Variants in RCBTB1 observed in about 807,000 individuals in gnomAD.
RCBTB1 encodes the protein RCC1 and BTB domain-containing protein 1.
Under a neutral mutation model 62.4 loss-of-function variants are expected in RCBTB1, and 46 were observed. The ratio of observed to expected loss-of-function variants is 0.74; its 90% CI spans 0.58 to 0.94. The LOEUF (loss-of-function observed/expected upper bound fraction) is 0.94. RCBTB1 is among the 40% of genes least tolerant of loss of function. The pLI, the probability that RCBTB1 is intolerant of heterozygous loss-of-function variation, is 0.00. For synonymous variants in RCBTB1, 222 were observed against 245.8 expected, an observed-to-expected ratio of 0.90 and a Z score of 0.91; for missense variants, 565 against 654.9, an observed-to-expected ratio of 0.86 and a Z score of 1.50.
At chr13:49,570,463 A>G (rs1963321180) in intron 2 of RCBTB1, among the ~76,000 whole-genome samples, 2 of 152,248 alleles carry the variant, frequency 1.3e-5, no homozygotes, top group Non-Finnish European at 2.9e-5. Flanking sequence ...AGGCATCCCC[A>G]ACAGGCTTGG....
At chr13:49,544,452 A>C (rs569468753) in intron 10 of RCBTB1, among the ~76,000 whole-genome samples, 1 of 148,480 alleles carries the variant, frequency 6.7e-6, no homozygotes, top group South Asian at 2.2e-4. Context: ...CTGAGCAACA[A>C]GAGTGAAACT....
chr13:49,535,236 C>T (rs1959850034), intron 12 of RCBTB1, among the ~76,000 whole-genome samples: 1 of 152,100 alleles, frequency 6.6e-6, no homozygotes, highest in Admixed American at 6.6e-5. Flanking sequence ...GAGTAACATC[C>T]ACAAGGGGTA....
intron 2 of RCBTB1, among the ~76,000 whole-genome samples, chr13:49,569,395 G>A (rs7985985): frequency 0.22 from 33,952 of 151,478 alleles, 4,702 homozygotes; most frequent in East Asian, 0.55. Context: ...GCAACATGGC[G>A]AAACCCCATT....
intron 2 of RCBTB1, among the ~76,000 whole-genome samples, chr13:49,573,558 C>T (rs1451536377): frequency 1.3e-5 from 2 of 150,660 alleles, no homozygotes; most frequent in Non-Finnish European, 3.0e-5. Flanking sequence ...AAGCAATTCT[C>T]CTGCCTCAGC....
chr13:49,576,213 A>C (rs1475440669), intron 2 of RCBTB1, among the ~76,000 whole-genome samples: 1 of 140,570 alleles, frequency 7.1e-6, no homozygotes, highest in African/African-American at 2.6e-5. Context: ...AAAAGTTGAG[A>C]TGATTTTTTT....
At chr13:49,567,115 T>A (rs766134054) in intron 3 of RCBTB1, 39 bp downstream of exon 3, 1 of 1,605,806 alleles carries the variant, frequency 6.2e-7, no homozygotes, top group Admixed American at 1.7e-5. Flanking sequence ...AATTGCCAAA[T>A]AAGTCCTAAA....
chr13:49,551,556 A>T, intron 7 of RCBTB1, 88 bp from the exon 8 acceptor site: 2 of 1,431,472 alleles, frequency 1.4e-6, no homozygotes, highest in Non-Finnish European at 1.9e-6. Context: ...CAGCTTCTGC[A>T]GAATGCCAAA....
chr13:49,551,728 G>A (rs1186081749), intron 7 of RCBTB1, among the ~76,000 whole-genome samples: 5 of 151,988 alleles, frequency 3.3e-5, no homozygotes, highest in South Asian at 4.2e-4. Flanking sequence ...GTGAAACCCC[G>A]TCTCTACTAA....
At chr13:49,548,962 ACCTCTACTAAAAATACAAAAATTAGCT>A (rs1961072821) in intron 9 of RCBTB1, among the ~76,000 whole-genome samples, 1 of 134,768 alleles carries the variant, frequency 7.4e-6, no homozygotes, top group African/African-American at 3.3e-5. Flanking sequence ...GTGAAACCCC[ACCTCTACTAAAAATACAAAAATTAGCT>A]GGGTGTGGTG....
intron 2 of RCBTB1, among the ~76,000 whole-genome samples, chr13:49,568,724 A>T (rs1020161642): frequency 4.6e-5 from 7 of 152,040 alleles, no homozygotes; most frequent in Non-Finnish European, 8.8e-5. Flanking sequence ...AGGTCAAGAG[A>T]TCGAGACCAT....
At chr13:49,547,774 C>T (rs985287736) in intron 9 of RCBTB1, among the ~76,000 whole-genome samples, 1 of 152,086 alleles carries the variant, frequency 6.6e-6, no homozygotes, top group Non-Finnish European at 1.5e-5. Context: ...AATGTGTCAC[C>T]TTAAAAACCA....
At chr13:49,542,758 CAAGCTTATTTATAA>C in intron 10 of RCBTB1, among the ~76,000 whole-genome samples, 1 of 151,536 alleles carries the variant, frequency 6.6e-6, no homozygotes, top group Non-Finnish European at 1.5e-5. Context: ...AGGCCTGCTA[CAAGCTTATTTATAA>C]AACACTCACA....
rs1238428430 is a variant in RCBTB1, at chr13:49,551,418, C to T, written c.762G>A (p.Leu254=). The part of the protein sequence containing the change: ...HTLALTDEGL[L]YAWGANTYGQ... Reference sequence around the variant, plus strand: ...CATATGTGTTAGCTCCCCAGGCATACAGCAAGCCCTCATCTGTTAGTGCTA... The same window carrying T: ...CATATGTGTTAGCTCCCCAGGCATATAGCAAGCCCTCATCTGTTAGTGCTA... The change falls in exon 8 of 13, where the codon CTG becomes CTA. Residue 254 remains leucine, a synonymous_variant. Coordinates refer to ENST00000378302, the MANE Select transcript of RCBTB1 (RefSeq NM_018191.4). 10 of 1,614,100 alleles carry T rather than the reference C, an allele frequency of 6.2e-6. No homozygotes were observed. The highest frequency in any genetic ancestry group is 1.1e-5 in the South Asian group (1 of 91,090).
At chr13:49,550,423 T>C in intron 8 of RCBTB1, 3 of 984,312 alleles carry the variant, frequency 3.0e-6, no homozygotes, top group Non-Finnish European at 3.6e-6. Flanking sequence ...TATTTCTCAG[T>C]AGTATGCTTC....
Position 49,533,022 on chromosome 13 carries a change from G to C in RCBTB1, c.*1100C>G, listed in dbSNP as rs1419063351. On this transcript the variant is annotated 3_prime_UTR_variant, in exon 13 of 13. Coordinates refer to ENST00000378302, the MANE Select transcript of RCBTB1 (RefSeq NM_018191.4). ...ACCATAATTTTGGTGCTTTTTCAAGGTGAAATTGTGCTGTTATACCTAAGA... is the reference window on the plus strand; with the variant it reads ...ACCATAATTTTGGTGCTTTTTCAAGCTGAAATTGTGCTGTTATACCTAAGA... The C allele has an allele frequency of 2.6e-5, 4 of 152,150 alleles. No individual in the cohort carries two copies. The highest frequency in any genetic ancestry group is 4.4e-5 in the Non-Finnish European group (3 of 68,040). The allele number at this position is 152,150 out of a possible 1,614,324, so 9.4% of individuals were successfully genotyped here.
chr13:49,563,888 T>C (rs1053162753), intron 4 of RCBTB1, among the ~76,000 whole-genome samples: 1 of 152,198 alleles, frequency 6.6e-6, no homozygotes, highest in Non-Finnish European at 1.5e-5. Flanking sequence ...TGTGACAGCA[T>C]TCTAGGAAGC....
chr13:49,566,489 A>T, intron 4 of RCBTB1, 129 bp downstream of exon 4: 1 of 879,352 alleles, frequency 1.1e-6, no homozygotes, highest in Non-Finnish European at 1.7e-6. Flanking sequence ...TGCTTTATGT[A>T]CTTCCTCTCA....
At chr13:49,574,674 G>A (rs999555188) in intron 2 of RCBTB1, among the ~76,000 whole-genome samples, 8 of 131,534 alleles carry the variant, frequency 6.1e-5, no homozygotes, top group Non-Finnish European at 9.8e-5. Flanking sequence ...AAAACCAGAT[G>A]GTGATTCCTT....
chr13:49,535,155 C>A (rs1959841676), intron 12 of RCBTB1, among the ~76,000 whole-genome samples: 1 of 152,118 alleles, frequency 6.6e-6, no homozygotes, highest in Non-Finnish European at 1.5e-5. Context: ...CAGAACATCA[C>A]CCCCACAGAA....
Sources: allele counts gnomAD v4.1 joint callset (sites outside exome capture counted in the v4.1 genomes callset), GRCh38; gene constraint gnomAD v4.1.1; transcripts MANE v1.5; gene names NCBI Gene and HGNC (gene_info 2026-07-23, HGNC 2026-07-21).